The following CFAP410 variants were observed in gnomAD, a reference collection of about 807,000 sequenced individuals.
CFAP410 encodes the protein cilia- and flagella-associated protein 410.
A neutral mutation model predicts 25.7 loss-of-function variants in CFAP410; 27 were observed. The observed-to-expected ratio is 1.05, with a 90% CI of 0.77 to 1.45. The LOEUF is 1.45. Among genes scored for constraint, CFAP410 ranks in the 40% most tolerant of loss-of-function variants. The probability of loss-of-function intolerance (pLI) is 0.00; values close to 1 mark genes in which losing one functional copy is unlikely to be tolerated. For missense variants in CFAP410, 428 were observed against 354.1 expected, an observed-to-expected ratio of 1.21 and a Z score of -1.67; for synonymous variants, 178 against 158.4, an observed-to-expected ratio of 1.12 and a Z score of -0.93.
rs1400739419 is a variant in CFAP410, at chr21:44,331,906, A to G, written c.482T>C (p.Leu161Pro). The change falls in exon 5 of 7, where the codon CTG becomes CCG. Residue 161 changes from leucine to proline, a missense_variant. Leu to Pro is a moderately conservative substitution (Grantham distance 98). Coordinates refer to ENST00000339818, the MANE Select transcript of CFAP410 (RefSeq NM_004928.3). ...CTCAGCAGCGGAGCTGAGGGAGCTC[A>G]GTGTGCAGCATAGCTTGGGGCCGCC... ...GHGGPKLCCTLSSLSSAAETG... is the reference protein window; with the variant it reads ...GHGGPKLCCTPSSLSSAAETG... 6.2e-7 allele frequency: 1 copy of G among 1,613,138 alleles called. No homozygotes were observed. The highest frequency in any genetic ancestry group is 2.2e-5 in the East Asian group (1 of 44,860).
At chr21:44,333,326 C>A (rs1388735811) in intron 3 of CFAP410, 64 bp from the exon 4 acceptor site, 56 of 1,311,512 alleles carry the variant, frequency 4.3e-5, no homozygotes, top group Non-Finnish European at 5.5e-5. Flanking sequence ...ACCTCTCAAT[C>A]CCCACCCCCA....
chr21:44,338,749 C>T (rs931797638), intron 1 of CFAP410: 2 of 145,776 alleles, frequency 1.4e-5, no homozygotes, highest in Non-Finnish European at 1.5e-5. Flanking sequence ...TGCCCCTCCC[C>T]CCTTCCACTC....
chr21:44,332,383 T>G, intron 4 of CFAP410: 1 of 195,416 alleles, frequency 5.1e-6, no homozygotes, highest in Non-Finnish European at 1.0e-5. Flanking sequence ...TTAATATCAA[T>G]AAAATTGTCT....
chr21:44,332,681 G>C (rs929020749), intron 4 of CFAP410: 1 of 296,834 alleles, frequency 3.4e-6, no homozygotes, highest in Non-Finnish European at 6.4e-6. Context: ...CTGCTTGCCA[G>C]ATACTGACGC....
intron 3 of CFAP410, chr21:44,334,917 C>T (rs1273244617): frequency 1.3e-5 from 2 of 155,462 alleles, no homozygotes; most frequent in African/African-American, 2.4e-5. Flanking sequence ...CTGGCCTACC[C>T]CGTGGCTGCC....
chr21:44,338,359 A>G (rs895478502), intron 1 of CFAP410: 18 of 1,262,898 alleles, frequency 1.4e-5, no homozygotes, highest in Non-Finnish European at 1.0e-6. Context: ...AACCCTGGAG[A>G]TCTTGCAGGC....
At chr21:44,332,070 A>T in intron 4 of CFAP410, 56 bp from the exon 5 acceptor site, 1 of 1,420,710 alleles carries the variant, frequency 7.0e-7, no homozygotes. Flanking sequence ...TGCAGGCCAC[A>T]TGCACTGCAG....
At chr21:44,332,353 T>C (rs1365140811) in intron 4 of CFAP410, 3 of 249,952 alleles carry the variant, frequency 1.2e-5, no homozygotes, top group Non-Finnish European at 2.3e-5. Flanking sequence ...CATATATCAA[T>C]TTCCCTGAAG....
rs771203756 is a variant in CFAP410, at chr21:44,333,278, C to T, written c.144-16G>A. 1 of 1,596,934 alleles carries T rather than the reference C, an allele frequency of 6.3e-7. No individual in the cohort carries two copies. Among genetic ancestry groups the T allele is most frequent in the Non-Finnish European group, 8.5e-7 (1 of 1,170,468 alleles). On this transcript the variant is annotated splice_polypyrimidine_tract_variant and intron_variant, in intron 3 of 6. Coordinates refer to ENST00000339818, the MANE Select transcript of CFAP410 (RefSeq NM_004928.3). ...GCTGTTGACACTGCACGGAGACCAG[C>T]ACAGTCAGCGAGGGACGTGGCCAGG...
intron 6 of CFAP410, 36 bp downstream of exon 6, chr21:44,330,787 A>G: frequency 6.4e-7 from 1 of 1,559,586 alleles, no homozygotes; most frequent in Non-Finnish European, 8.7e-7. Flanking sequence ...TGCAGTGGGC[A>G]GAGGCAGCCG....
At position 44,330,658 on chromosome 21, in the gene CFAP410, C is replaced by T. The variant is rs534478718; in HGVS notation, c.642+165G>A. The T allele has an allele frequency of 1.5e-5, 23 of 1,549,938 alleles. No homozygotes were observed. The Admixed American group carries it at 2.7e-4, about 19-fold the overall frequency. On this transcript the variant is annotated intron_variant, in intron 6 of 6. Coordinates refer to ENST00000339818, the MANE Select transcript of CFAP410 (RefSeq NM_004928.3). ...TTACACGTGTGTGCGCATTCACAGA[C>T]CCGCACACGCAGCTCCCCCTGGGGC...
In CFAP410 at chr21:44,335,746, G is replaced by T; in HGVS notation, c.143+12C>A. ...AGGCCCCAGGCTGAGCATGACAGCA[G>T]GAGCGAGGTACCTGAGCGTGATCAC... On this transcript the variant is annotated intron_variant, in intron 3 of 6. Coordinates refer to ENST00000339818, the MANE Select transcript of CFAP410 (RefSeq NM_004928.3). 6.3e-7 allele frequency: 1 copy of T among 1,583,186 alleles called. No homozygotes were observed. The highest frequency in any genetic ancestry group is 2.3e-5 in the East Asian group (1 of 42,958).
chr21:44,330,323 C>T lies in CFAP410; in HGVS notation c.646G>A (p.Val216Ile), dbSNP rs756429410. 30 of 1,610,002 alleles carry T rather than the reference C, an allele frequency of 1.9e-5. No homozygotes were observed. The highest frequency in any genetic ancestry group is 8.9e-5 in the East Asian group (4 of 44,822). Residue 216 changes from valine to isoleucine, a missense_variant, in exon 7 of 7, where the codon GTC becomes ATC. Physicochemically the swap from Val to Ile is conservative, Grantham distance 29. Coordinates refer to ENST00000339818, the MANE Select transcript of CFAP410 (RefSeq NM_004928.3). ...AGCAGCAGCAGGATGGCAGTCAGGACGTTCTGAGGGCAGAGGGGTGCGGAC... is the reference window on the plus strand; with the variant it reads ...AGCAGCAGCAGGATGGCAGTCAGGATGTTCTGAGGGCAGAGGGGTGCGGAC... Reference protein sequence around the residue: ...DASSSHRGRNVLTAILLLLRE... With the variant: ...DASSSHRGRNILTAILLLLRE...
chr21:44,329,141 C>G lies in CFAP410; in HGVS notation c.*1057G>C, dbSNP rs993416019. 1 of 152,358 alleles carries G rather than the reference C, an allele frequency of 6.6e-6. No individual in the cohort carries two copies. The allele number at this position is 152,358 out of a possible 1,614,324, so 9.4% of individuals were successfully genotyped here. A position where few individuals can be genotyped will look rare whatever the true frequency, so the allele number is the denominator to read the frequency against. ...GAGTGACTGTCTTCACCCTGGGCTTCCCCAAGTCCGGCGACAGTGGCTGCC... is the reference window on the plus strand; with the variant it reads ...GAGTGACTGTCTTCACCCTGGGCTTGCCCAAGTCCGGCGACAGTGGCTGCC... On this transcript the variant is annotated 3_prime_UTR_variant, in exon 7 of 7. Coordinates refer to ENST00000339818, the MANE Select transcript of CFAP410 (RefSeq NM_004928.3).
chr21:44,332,679 C>T (rs139067933), intron 4 of CFAP410: 1 of 292,392 alleles, frequency 3.4e-6, no homozygotes, highest in Non-Finnish European at 6.5e-6. Context: ...TGCTGCTTGC[C>T]AGATACTGAC....
rs1329961328 is a variant in CFAP410 at position 44,329,998 on chromosome 21, G to A, written c.*200C>T. 8 of 600,894 alleles carry A rather than the reference G, an allele frequency of 1.3e-5. No homozygotes were observed. The allele number at this position is 600,894 out of a possible 1,614,324, so 37.2% of individuals were successfully genotyped here. On this transcript the variant is annotated 3_prime_UTR_variant, in exon 7 of 7. Coordinates refer to ENST00000339818, the MANE Select transcript of CFAP410 (RefSeq NM_004928.3). ...CCACAGAAGGGGAGTCCTGGGGACA[G>A]GACTGGTGTAGACAGGCATCTCCAC...
At position 44,339,115 on chromosome 21, in the gene CFAP410, C is replaced by A. The variant is rs776633338; in HGVS notation, c.77+3G>T. 192 of 1,454,126 alleles carry A rather than the reference C, an allele frequency of 1.3e-4. No homozygotes were observed. The highest frequency in any genetic ancestry group is 3.3e-5 in the Non-Finnish European group (36 of 1,097,042). 90.1% of individuals were successfully genotyped at this position (1,454,126 alleles called of 1,614,324 possible). On this transcript the variant is annotated splice_donor_region_variant and intron_variant, in intron 1 of 6. Coordinates refer to ENST00000339818, the MANE Select transcript of CFAP410 (RefSeq NM_004928.3). ...GGGCGGCCGCGGCCAGGCCCCGCCTCACCAGCAGTTGAGCTTGCGCACGCT... is the reference window on the plus strand; with the variant it reads ...GGGCGGCCGCGGCCAGGCCCCGCCTAACCAGCAGTTGAGCTTGCGCACGCT...
In CFAP410 at chr21:44,334,522, C is replaced by CCCCTCAACCTCTGGGCGGGCACGCGCA. The variant is rs1568989774; in HGVS notation, c.143+1235_143+1236insTGCGCGTGCCCGCCCAGAGGTTGAGGG. The CCCCTCAACCTCTGGGCGGGCACGCGCA allele has an allele frequency of 3.6e-3, 681 of 190,948 alleles. 29 individuals are homozygous for CCCCTCAACCTCTGGGCGGGCACGCGCA. Among genetic ancestry groups the CCCCTCAACCTCTGGGCGGGCACGCGCA allele is most frequent in the African/African-American group, 0.031 (614 of 19,556 alleles). The allele number at this position is 190,948 out of a possible 1,614,324, so 11.8% of individuals were successfully genotyped here. A position where few individuals can be genotyped will look rare whatever the true frequency, so the allele number is the denominator to read the frequency against. On this transcript the variant is annotated intron_variant, in intron 3 of 6. Transcript: ENST00000339818. ...ACCTCTGGGCGGGCACGCGCACCCC[C>CCCCTCAACCTCTGGGCGGGCACGCGCA]CCCCCCCCCCCGCTCAACCTCTGGG...
chr21:44,332,926 C>T (rs370429852), intron 4 of CFAP410, 107 bp downstream of exon 4: 145 of 770,770 alleles, frequency 1.9e-4, no homozygotes, highest in African/African-American at 1.7e-3. Context: ...CATCTATGTC[C>T]CGCCAGACCA....
Sources: gnomAD v4.1 joint callset for allele counts on GRCh38, gnomAD v4.1.1 for gene constraint, MANE v1.5 for transcripts, NCBI Gene and HGNC (gene_info 2026-07-23, HGNC 2026-07-21) for gene names.